The following RBFOX1 variants were observed in gnomAD, a reference collection of about 807,000 sequenced individuals.
The protein encoded by RBFOX1 is RNA binding fox-1 homolog 1, also known as RNA binding protein fox-1 homolog 1.
In RBFOX1, 8 loss-of-function variants were observed where a neutral mutation model predicts 57.7. The ratio of observed to expected loss-of-function variants is 0.14; its 90% CI spans 0.08 to 0.25. The LOEUF is 0.25. Among genes scored for constraint, RBFOX1 ranks in the 10% least tolerant of loss-of-function variants. The probability of loss-of-function intolerance (pLI) is 1.00; values close to 1 mark genes in which losing one functional copy is unlikely to be tolerated. For missense variants in RBFOX1, 611 were observed against 548.5 expected, an observed-to-expected ratio of 1.11 and a Z score of -1.14; for synonymous variants, 326 against 222.4, an observed-to-expected ratio of 1.47 and a Z score of -4.15.
intron 3 of RBFOX1, among the ~76,000 whole-genome samples, chr16:6,923,086 A>G (rs1028770816): frequency 6.6e-6 from 1 of 152,216 alleles, no homozygotes; most frequent in Non-Finnish European, 1.5e-5. Flanking sequence ...CCCTAAGCCC[A>G]GAAGGCAATG....
intron 3 of RBFOX1, among the ~76,000 whole-genome samples, chr16:6,718,011 G>GTCATCACCACCA (rs1399147323): frequency 6.6e-6 from 1 of 151,866 alleles, no homozygotes; most frequent in African/African-American, 2.4e-5. Flanking sequence ...CACCACCACC[G>GTCATCACCACCA]TCATCACCAC....
At chr16:6,373,755 G>A (rs184227632) in intron 2 of RBFOX1, among the ~76,000 whole-genome samples, 21 of 152,242 alleles carry the variant, frequency 1.4e-4, no homozygotes, top group African/African-American at 4.6e-4. Context: ...GAATTGTGAC[G>A]ATAAAGGATC....
intron 2 of RBFOX1, among the ~76,000 whole-genome samples, chr16:6,363,557 G>A (rs1384223444): frequency 5.3e-5 from 8 of 152,176 alleles, no homozygotes; most frequent in African/African-American, 1.7e-4. Context: ...AAATAGAGTC[G>A]AATTGAGGTT....
intron 4 of RBFOX1, among the ~76,000 whole-genome samples, chr16:7,416,718 C>A (rs553581798): frequency 7.7e-4 from 114 of 148,552 alleles, no homozygotes; most frequent in Admixed American, 4.2e-3. Context: ...AGGCAAGCGA[C>A]TTTAGGGATG....
At chr16:5,487,816 G>C (rs1354751527) in intron 2 of RBFOX1, among the ~76,000 whole-genome samples, 1 of 152,050 alleles carries the variant, frequency 6.6e-6, no homozygotes, top group Non-Finnish European at 1.5e-5. Context: ...TGATAGTAGT[G>C]GGAGTGATGA....
intron 1 of RBFOX1, among the ~76,000 whole-genome samples, chr16:5,423,080 A>G (rs2067402990): frequency 1.0e-5 from 1 of 98,724 alleles, no homozygotes; most frequent in Non-Finnish European, 2.0e-5. Context: ...AGGAGGAAGG[A>G]GAGGGAGGAA....
intron 15 of RBFOX1, chr16:7,710,269 G>T (rs897324055): frequency 9.0e-7 from 1 of 1,106,026 alleles, no homozygotes; most frequent in Non-Finnish European, 1.1e-6. Flanking sequence ...ATGTGTTGGA[G>T]AGTTGAATTA....
chr16:7,177,899 C>G (rs892959623), intron 4 of RBFOX1, among the ~76,000 whole-genome samples: 6 of 152,176 alleles, frequency 3.9e-5, no homozygotes, highest in Non-Finnish European at 7.3e-5. Context: ...GGTTTACCAG[C>G]TTCTGTTCTA....
intron 6 of RBFOX1, among the ~76,000 whole-genome samples, chr16:7,584,245 G>T (rs2093973114): frequency 6.6e-6 from 1 of 152,146 alleles, no homozygotes; most frequent in Non-Finnish European, 1.5e-5. Flanking sequence ...ATCTAAAAAT[G>T]CTTGGTAGGT....
chr16:5,307,147 C>T (rs546053398), intron 1 of RBFOX1, among the ~76,000 whole-genome samples: 4 of 152,294 alleles, frequency 2.6e-5, no homozygotes, highest in South Asian at 2.1e-4. Flanking sequence ...GTTGGCTACT[C>T]GCTTATTACA....
chr16:7,397,121 T>C (rs2098153644), intron 4 of RBFOX1, among the ~76,000 whole-genome samples: 1 of 152,166 alleles, frequency 6.6e-6, no homozygotes, highest in Non-Finnish European at 1.5e-5. Context: ...GTGATCATGA[T>C]CTCTTTAATT....
chr16:5,590,778 A>G (rs915772706), intron 2 of RBFOX1, among the ~76,000 whole-genome samples: 6 of 152,144 alleles, frequency 3.9e-5, no homozygotes, highest in African/African-American at 1.2e-4. Context: ...GCTTGCCTGG[A>G]GCATTGGGTT....
chr16:6,514,203 G>C (rs1329220622), intron 2 of RBFOX1, among the ~76,000 whole-genome samples: 1 of 152,108 alleles, frequency 6.6e-6, no homozygotes, highest in South Asian at 2.1e-4. Context: ...CCCATCCTTT[G>C]GGGATGCTCT....
chr16:6,683,879 T>C (rs1201293487), intron 3 of RBFOX1, among the ~76,000 whole-genome samples: 3 of 152,158 alleles, frequency 2.0e-5, no homozygotes, highest in African/African-American at 7.2e-5. Flanking sequence ...ACACTTTATT[T>C]TACACGAAAT....
intron 4 of RBFOX1, among the ~76,000 whole-genome samples, chr16:5,919,548 T>C (rs1374881742): frequency 6.6e-6 from 1 of 152,142 alleles, no homozygotes; most frequent in Non-Finnish European, 1.5e-5. Flanking sequence ...TTCCCCATGT[T>C]GGTCAGGTGG....
chr16:7,159,569 C>G (rs180677048), intron 4 of RBFOX1, among the ~76,000 whole-genome samples: 1 of 152,280 alleles, frequency 6.6e-6, no homozygotes, highest in Non-Finnish European at 1.5e-5. Flanking sequence ...ACATGAGTCC[C>G]CAGCCACTTT....
intron 4 of RBFOX1, among the ~76,000 whole-genome samples, chr16:7,507,197 C>T (rs1458561102): frequency 6.6e-6 from 1 of 152,152 alleles, no homozygotes; most frequent in Admixed American, 6.5e-5. Flanking sequence ...AATTACCTGG[C>T]CTATCATAGT....
intron 10 of RBFOX1, among the ~76,000 whole-genome samples, chr16:7,611,174 G>A (rs115606714): frequency 5.9e-4 from 90 of 152,238 alleles, no homozygotes; most frequent in African/African-American, 2.0e-3. Flanking sequence ...TCAGAATGAG[G>A]CATGAAAAGT....
At chr16:5,422,005 C>G (rs1036309635) in intron 1 of RBFOX1, among the ~76,000 whole-genome samples, 2 of 152,136 alleles carry the variant, frequency 1.3e-5, no homozygotes, top group African/African-American at 4.8e-5. Context: ...TACACTTGCT[C>G]AAAGTGAAGG....
Sources: allele counts gnomAD v4.1 joint callset (sites outside exome capture counted in the v4.1 genomes callset), GRCh38; gene constraint gnomAD v4.1.1; transcripts MANE v1.5; gene names NCBI Gene and HGNC (gene_info 2026-07-23, HGNC 2026-07-21).